SMYD3: variants seen among roughly 807,000 people sequenced by gnomAD.
The protein encoded by SMYD3 is SET and MYND domain containing 3.
A neutral mutation model predicts 57.7 loss-of-function variants in SMYD3; 36 were observed. The observed-to-expected ratio is 0.62, with a 90% CI of 0.48 to 0.82. SMYD3 has a LOEUF of 0.82. Among genes scored for constraint, SMYD3 ranks in the 40% least tolerant of loss-of-function variants. The pLI is 0.00. For missense variants in SMYD3, 515 were observed against 538.8 expected (o/e 0.96, Z 0.44); for synonymous variants, 211 against 195.0 (o/e 1.08, Z -0.68).
chr1:246,274,662 A>T (rs1239762072), intron 5 of SMYD3, among the ~76,000 whole-genome samples: 1 of 152,166 alleles, frequency 6.6e-6, no homozygotes, highest in Non-Finnish European at 1.5e-5. Flanking sequence ...CTCAAACCTG[A>T]GAAATAGAAA....
chr1:246,463,968 A>G (rs184186025), intron 1 of SMYD3, among the ~76,000 whole-genome samples: 1 of 151,926 alleles, frequency 6.6e-6, no homozygotes, highest in East Asian at 1.9e-4. Flanking sequence ...TGGACGGAAA[A>G]GATGGCCCAG....
At chr1:245,899,253 AT>A (rs57422029) in intron 8 of SMYD3, among the ~76,000 whole-genome samples, 17 of 151,454 alleles carry the variant, frequency 1.1e-4, no homozygotes, top group African/African-American at 1.9e-4. Context: ...TTACCTCTGT[AT>A]TTTTTTTTGA....
At chr1:246,429,793 T>G (rs1019506082) in intron 1 of SMYD3, among the ~76,000 whole-genome samples, 7 of 151,360 alleles carry the variant, frequency 4.6e-5, no homozygotes, top group African/African-American at 1.5e-4. Context: ...TGGCAAGTAC[T>G]AAATAATCAT....
intron 5 of SMYD3, chr1:246,035,485 G>C (rs1169546917): frequency 6.6e-6 from 1 of 152,230 alleles, no homozygotes; most frequent in Non-Finnish European, 1.5e-5. Flanking sequence ...GACTCCAGCA[G>C]CAGGACGGGA....
chr1:246,195,745 C>T (rs544755159), intron 5 of SMYD3, among the ~76,000 whole-genome samples: 58 of 152,228 alleles, frequency 3.8e-4, no homozygotes, highest in South Asian at 8.3e-4. Flanking sequence ...CTGCAGGTCA[C>T]TGTAATACAA....
intron 5 of SMYD3, among the ~76,000 whole-genome samples, chr1:246,166,916 AC>A (rs1301467987): frequency 5.9e-5 from 9 of 152,212 alleles, no homozygotes; most frequent in Non-Finnish European, 1.2e-4. Context: ...AAAACTCGAT[AC>A]CCACTGAAGG....
chr1:246,156,138 T>C (rs2062020958), intron 5 of SMYD3, among the ~76,000 whole-genome samples: 1 of 152,198 alleles, frequency 6.6e-6, no homozygotes, highest in South Asian at 2.1e-4. Context: ...ATTTGGTTAC[T>C]ATGTGTTTAC....
chr1:245,982,222 C>A (rs952756146), intron 5 of SMYD3, among the ~76,000 whole-genome samples: 1 of 152,198 alleles, frequency 6.6e-6, no homozygotes, highest in East Asian at 1.9e-4. Flanking sequence ...GCAGCCTCCA[C>A]CTTCTGGGCT....
At position 246,140,664 on chromosome 1, in the gene SMYD3, G is replaced by A. The variant is rs547227546; in HGVS notation, c.531+186537C>T. 2.4e-4 allele frequency among the ~76,000 whole-genome samples: 37 copies of A among 152,222 alleles called. No individual in the cohort carries two copies. In the Middle Eastern group the frequency reaches 0.01, roughly 42 times the overall value. ...GTCTCAATCTGTCACCCAGGCTGGG[G>A]TACAGTGGCACAATCACAGCTTACT... is the stretch of plus-strand genomic sequence containing the variant. On this transcript the variant is annotated intron_variant, in intron 5 of 11. Transcript: ENST00000490107.
At chr1:246,159,123 C>A (rs1300372891) in intron 5 of SMYD3, among the ~76,000 whole-genome samples, 4 of 152,044 alleles carry the variant, frequency 2.6e-5, no homozygotes, top group Admixed American at 6.6e-5. Context: ...AGAGCGCCAA[C>A]CATTAAAAAA....
intron 5 of SMYD3, among the ~76,000 whole-genome samples, chr1:245,949,146 C>T (rs1027460117): frequency 1.8e-4 from 28 of 152,174 alleles, no homozygotes; most frequent in Non-Finnish European, 1.3e-4. Context: ...TATGCCACGC[C>T]CATTGCCCAG....
intron 5 of SMYD3, among the ~76,000 whole-genome samples, chr1:246,036,980 G>A (rs1047352377): frequency 2.6e-5 from 4 of 151,990 alleles, no homozygotes; most frequent in Non-Finnish European, 4.4e-5. Flanking sequence ...CTTCCTCATC[G>A]TTTTTTATGG....
At chr1:246,314,526 A>G (rs947189157) in intron 5 of SMYD3, among the ~76,000 whole-genome samples, 1 of 152,206 alleles carries the variant, frequency 6.6e-6, no homozygotes, top group African/African-American at 2.4e-5. Context: ...TAAAAAATTA[A>G]AACAAAGGAG....
chr1:245,864,691 C>A (rs2051734029), intron 8 of SMYD3, among the ~76,000 whole-genome samples: 1 of 151,390 alleles, frequency 6.6e-6, no homozygotes, highest in South Asian at 2.1e-4. Flanking sequence ...TGACACCATG[C>A]TAGTTGCACA....
intron 5 of SMYD3, among the ~76,000 whole-genome samples, chr1:246,135,405 C>T (rs1028914562): frequency 6.6e-6 from 1 of 152,072 alleles, no homozygotes; most frequent in Non-Finnish European, 1.5e-5. Flanking sequence ...TAAGTATGTT[C>T]TAAAATGACA....
chr1:246,349,175 G>A (rs2065778583), intron 2 of SMYD3, among the ~76,000 whole-genome samples: 1 of 152,164 alleles, frequency 6.6e-6, no homozygotes, highest in Non-Finnish European at 1.5e-5. Flanking sequence ...GAAGGAATAG[G>A]TGAAGGTAAA....
chr1:245,919,809 T>C (rs1458311401), intron 7 of SMYD3, among the ~76,000 whole-genome samples: 3 of 152,172 alleles, frequency 2.0e-5, no homozygotes, highest in Admixed American at 6.5e-5. Flanking sequence ...CAGAACAAAA[T>C]TGCATTAAAA....
intron 5 of SMYD3, among the ~76,000 whole-genome samples, chr1:246,189,728 C>A (rs531333609): frequency 6.6e-6 from 1 of 152,206 alleles, no homozygotes; most frequent in African/African-American, 2.4e-5. Context: ...AGACCCCCTA[C>A]GGTTTATTTA....
chr1:246,503,954 TAAAAA>T (rs55709330), intron 1 of SMYD3, among the ~76,000 whole-genome samples: 28,234 of 128,186 alleles, frequency 0.22, 3,284 homozygotes, highest in African/African-American at 0.29. Flanking sequence ...AACTCCATCT[TAAAAA>T]AAAAAAAAAA....
Sources: gnomAD v4.1 joint callset for allele counts (sites outside exome capture counted in the v4.1 genomes callset) on GRCh38, gnomAD v4.1.1 for gene constraint, MANE v1.5 for transcripts, NCBI Gene and HGNC (gene_info 2026-07-23, HGNC 2026-07-21) for gene names.